CPNE8: variants seen among roughly 807,000 people sequenced by gnomAD.
The protein encoded by CPNE8 is copine 8, also known as copine-8.
Under a neutral mutation model 81.5 loss-of-function variants are expected in CPNE8, and 45 were observed. That is an observed-to-expected ratio of 0.55 (90% CI 0.44 to 0.71). CPNE8 has a LOEUF of 0.71. Ranked by LOEUF, CPNE8 falls within the 30% of genes least tolerant of loss-of-function variation. The probability of loss-of-function intolerance (pLI) is 0.00; values close to 1 mark genes in which losing one functional copy is unlikely to be tolerated. For missense variants in CPNE8, 594 were observed against 672.1 expected (o/e 0.88, Z 1.28); for synonymous variants, 252 against 226.3 (o/e 1.11, Z -1.02).
intron 4 of CPNE8, among the ~76,000 whole-genome samples, chr12:38,843,955 G>C (rs1464650274): frequency 1.3e-5 from 2 of 152,062 alleles, no homozygotes; most frequent in Non-Finnish European, 2.9e-5. Flanking sequence ...AGAGTAAGAT[G>C]GTTCTAAGAA....
chr12:38,856,386 C>CA (rs1163214994), intron 3 of CPNE8, among the ~76,000 whole-genome samples: 1 of 151,994 alleles, frequency 6.6e-6, no homozygotes, highest in African/African-American at 2.4e-5. Context: ...ATACCAAAGC[C>CA]AAAAAGGGCA....
At chr12:38,819,533 C>G (rs939976116) in intron 6 of CPNE8, among the ~76,000 whole-genome samples, 1 of 151,584 alleles carries the variant, frequency 6.6e-6, no homozygotes, top group African/African-American at 2.4e-5. Flanking sequence ...TTTGGGAGGC[C>G]GAGGCAGGCG....
At chr12:38,770,487 C>A (rs1018596698) in intron 7 of CPNE8, among the ~76,000 whole-genome samples, 4 of 152,190 alleles carry the variant, frequency 2.6e-5, no homozygotes, top group Admixed American at 6.5e-5. Context: ...GTATCCAATC[C>A]ATTCTCCATT....
chr12:38,676,138 G>GA (rs1939284368), intron 17 of CPNE8: 1 of 404,668 alleles, frequency 2.5e-6, no homozygotes, highest in African/African-American at 2.2e-5. Flanking sequence ...AATTAAAAAA[G>GA]AAAAAATAAT....
At chr12:38,895,444 T>C (rs1197903274) in intron 1 of CPNE8, among the ~76,000 whole-genome samples, 5 of 152,098 alleles carry the variant, frequency 3.3e-5, no homozygotes, top group Admixed American at 3.3e-4. Context: ...ATCACCTCTC[T>C]CCAGTATTTA....
chr12:38,808,450 G>T (rs986005520), intron 6 of CPNE8, among the ~76,000 whole-genome samples: 5 of 151,972 alleles, frequency 3.3e-5, no homozygotes, highest in Non-Finnish European at 7.4e-5. Flanking sequence ...TCATGTCTTT[G>T]TAGGGACATG....
At position 38,744,061 on chromosome 12, in the gene CPNE8, C is replaced by T. The variant is rs569419658; in HGVS notation, c.723-13703G>A. ...AGGTTGGATCTATTATAAGCAGCAT[C>T]GAGTGTGAAAAGTTAAGTATCTGTG... On this transcript the variant is annotated intron_variant, in intron 10 of 19. Coordinates refer to ENST00000331366, the MANE Select transcript of CPNE8 (RefSeq NM_153634.3). Among the ~76,000 whole-genome samples the T allele has an allele frequency of 7.2e-5, 11 of 152,178 alleles. No homozygotes were observed. In the South Asian group the frequency reaches 2.1e-3, roughly 29 times the overall value.
chr12:38,838,046 A>G (rs962018263), intron 5 of CPNE8, among the ~76,000 whole-genome samples: 1 of 152,094 alleles, frequency 6.6e-6, no homozygotes, highest in Non-Finnish European at 1.5e-5. Context: ...TATCCCATAC[A>G]CTTCTCTCTG....
intron 5 of CPNE8, among the ~76,000 whole-genome samples, chr12:38,835,016 A>G (rs1013494517): frequency 3.9e-5 from 6 of 151,940 alleles, no homozygotes; most frequent in African/African-American, 1.5e-4. Context: ...CCTCCTGAGT[A>G]GCTGGGATTG....
intron 3 of CPNE8, among the ~76,000 whole-genome samples, chr12:38,851,204 T>G (rs1260800888): frequency 6.6e-6 from 1 of 152,238 alleles, no homozygotes; most frequent in Non-Finnish European, 1.5e-5. Context: ...GATAATTTAT[T>G]TGGTTTTAAA....
chr12:38,768,678 C>T (rs1348102977), intron 7 of CPNE8, among the ~76,000 whole-genome samples: 2 of 150,964 alleles, frequency 1.3e-5, no homozygotes, highest in Non-Finnish European at 2.9e-5. Context: ...CGCTGCCACG[C>T]CCGGCTAATT....
At chr12:38,779,348 T>G (rs1592081288) in intron 6 of CPNE8, among the ~76,000 whole-genome samples, 1 of 151,904 alleles carries the variant, frequency 6.6e-6, no homozygotes, top group Non-Finnish European at 1.5e-5. Flanking sequence ...CAAGAGGAGG[T>G]GGGACTCACA....
chr12:38,899,575 T>C (rs1944431779), intron 1 of CPNE8, among the ~76,000 whole-genome samples: 1 of 152,202 alleles, frequency 6.6e-6, no homozygotes, highest in Non-Finnish European at 1.5e-5. Context: ...TTTCCAAAAG[T>C]CCATAAACAG....
chr12:38,801,347 A>G (rs1323830541), intron 6 of CPNE8, among the ~76,000 whole-genome samples: 1 of 25,482 alleles, frequency 3.9e-5, no homozygotes, highest in Admixed American at 4.3e-4. Flanking sequence ...AGTGGGGGCC[A>G]ATATTCAACA....
At chr12:38,792,378 A>G (rs551839592) in intron 6 of CPNE8, among the ~76,000 whole-genome samples, 1 of 151,628 alleles carries the variant, frequency 6.6e-6, no homozygotes, top group South Asian at 2.1e-4. Flanking sequence ...CTCAAATAAC[A>G]AAATCAGATG....
chr12:38,717,127 G>A (rs980449128), intron 13 of CPNE8, among the ~76,000 whole-genome samples: 40 of 151,816 alleles, frequency 2.6e-4, no homozygotes, highest in South Asian at 6.2e-4. Context: ...TAATTAAAAA[G>A]TCAAAAAACA....
At position 38,702,902 on chromosome 12, in the gene CPNE8, C is replaced by T. The variant is rs1289612211; in HGVS notation, c.934G>A (p.Val312Met). 6.3e-7 allele frequency: 1 copy of T among 1,577,836 alleles called. No individual in the cohort carries two copies. Among genetic ancestry groups the T allele is most frequent in the East Asian group, 2.3e-5 (1 of 43,270 alleles). The stretch of plus-strand genomic sequence containing the variant: ...TTTGATGCTGTAAAATCAATAGCCA[C>T]TGTGAAATTGATTTGCGTCCTGGAA... ...IKGGTQINFT[V>M]AIDFTASNGN... Residue 312 changes from valine (V) to methionine (M), a missense_variant, in exon 14 of 20, where the codon GTG (valine) becomes ATG (methionine). Transcript: ENST00000331366.
chr12:38,694,736 A>G (rs968891931), intron 14 of CPNE8, among the ~76,000 whole-genome samples: 1 of 152,222 alleles, frequency 6.6e-6, no homozygotes, highest in Non-Finnish European at 1.5e-5. Flanking sequence ...GCAGCCTGAA[A>G]GTCCATTTGG....
chr12:38,853,750 A>T (rs1592138369), intron 3 of CPNE8, among the ~76,000 whole-genome samples: 1 of 152,266 alleles, frequency 6.6e-6, no homozygotes, highest in East Asian at 1.9e-4. Flanking sequence ...ATCTTGTAGA[A>T]AATGATAGAA....
Sources: allele counts gnomAD v4.1 joint callset (sites outside exome capture counted in the v4.1 genomes callset), GRCh38; gene constraint gnomAD v4.1.1; transcripts MANE v1.5; gene names NCBI Gene and HGNC (gene_info 2026-07-23, HGNC 2026-07-21).